PDK1: variants seen among roughly 807,000 people sequenced by gnomAD.
PDK1 encodes pyruvate dehydrogenase kinase 1.
In PDK1, 39 loss-of-function variants were observed where a neutral mutation model predicts 54.2. The observed-to-expected ratio is 0.72, with a 90% CI of 0.56 to 0.94. The LOEUF (loss-of-function observed/expected upper bound fraction) is 0.94. Among genes scored for constraint, PDK1 ranks in the 40% least tolerant of loss-of-function variants. PDK1 has a pLI of 0.00. For missense variants in PDK1, 552 were observed against 566.0 expected, an observed-to-expected ratio of 0.98 and a Z score of 0.25; for synonymous variants, 221 against 207.1, an observed-to-expected ratio of 1.07 and a Z score of -0.58.
At chr2:172,687,672 A>G in the PDK1 span, among the ~76,000 whole-genome samples, 2 of 152,232 alleles carry the variant, frequency 1.3e-5, no homozygotes, top group East Asian at 1.9e-4. Flanking sequence ...TTGGTTTATC[A>G]TATCTTTCTC....
At chr2:172,713,385 C>G in the PDK1 span, among the ~76,000 whole-genome samples, 6 of 152,210 alleles carry the variant, frequency 3.9e-5, no homozygotes, top group Non-Finnish European at 7.3e-5. Context: ...TCCTTTCTGC[C>G]CAGGAGCCTG....
intron 8 of PDK1, among the ~76,000 whole-genome samples, chr2:172,577,625 G>T: frequency 6.6e-6 from 1 of 151,204 alleles, no homozygotes. Flanking sequence ...ATTATCCTGG[G>T]GATTACAATT....
At position 172,597,643 on chromosome 2, in the gene PDK1, G is replaced by A. The variant is rs1381018189; in HGVS notation, c.*1674G>A. The A allele has an allele frequency of 6.6e-6, 1 of 152,212 alleles. No individual in the cohort carries two copies. Among genetic ancestry groups the A allele is most frequent in the Non-Finnish European group, 1.5e-5 (1 of 68,040 alleles). 9.4% of individuals were successfully genotyped at this position (152,212 alleles called of 1,614,324 possible). ...CCCAGAGTTGCTCAGAATTGGAGCA[G>A]AGCCTGAGACGTATCTGCAGATCCT... On this transcript the variant is annotated 3_prime_UTR_variant, in exon 11 of 11. Coordinates refer to ENST00000282077, the MANE Select transcript of PDK1 (RefSeq NM_002610.5).
intron 10 of PDK1, among the ~76,000 whole-genome samples, chr2:172,594,707 A>G (rs1483192376): frequency 6.6e-6 from 1 of 152,200 alleles, no homozygotes; most frequent in South Asian, 2.1e-4. Flanking sequence ...AATTGTCAAC[A>G]TCAAAGACTT....
chr2:172,562,896 C>G, intron 3 of PDK1: 1 of 1,135,106 alleles, frequency 8.8e-7, no homozygotes, highest in South Asian at 1.4e-5. Flanking sequence ...GTGAAGGGTA[C>G]TGAGAGTGTA....
the PDK1 span, among the ~76,000 whole-genome samples, chr2:172,668,832 T>G: frequency 6.8e-6 from 1 of 147,092 alleles, no homozygotes; most frequent in African/African-American, 2.5e-5. Flanking sequence ...TACACACATA[T>G]GTATGTATAT....
At chr2:172,686,448 G>T in the PDK1 span, among the ~76,000 whole-genome samples, 22 of 152,068 alleles carry the variant, frequency 1.4e-4, no homozygotes, top group African/African-American at 5.3e-4. Context: ...CTAGCTGGAG[G>T]TTTGTAAAAT....
In PDK1 at chr2:172,586,259, G is replaced by C. The variant is rs755170726; in HGVS notation, c.946-19G>C. ...TTTTGAGGATTTGGGCATAGAGCAC[G>C]ATCCTTTTCTTACCTTAGATGAGTG... On this transcript the variant is annotated intron_variant, in intron 8 of 10. Transcript: ENST00000282077. The C allele has an allele frequency of 6.6e-7, 1 of 1,506,542 alleles. No individual in the cohort carries two copies. Among genetic ancestry groups the C allele is most frequent in the Non-Finnish European group, 9.2e-7 (1 of 1,082,870 alleles). The allele number at this position is 1,506,542 out of a possible 1,614,324, so 93.3% of individuals were successfully genotyped here.
the PDK1 span, among the ~76,000 whole-genome samples, chr2:172,663,860 T>G: frequency 2.0e-5 from 3 of 151,974 alleles, no homozygotes; most frequent in Admixed American, 2.0e-4. Flanking sequence ...GGCCATAGGA[T>G]AGACAAGGAC....
the PDK1 span, among the ~76,000 whole-genome samples, chr2:172,678,229 G>A: frequency 2.6e-5 from 4 of 152,086 alleles, no homozygotes; most frequent in African/African-American, 9.7e-5. Flanking sequence ...TATCGATCCT[G>A]TAATGAATCA....
intron 10 of PDK1, among the ~76,000 whole-genome samples, chr2:172,593,963 T>G (rs1174890928): frequency 6.6e-6 from 1 of 152,152 alleles, no homozygotes; most frequent in Non-Finnish European, 1.5e-5. Context: ...ACTAAATTCT[T>G]TCTAGATGGT....
chr2:172,596,883 A>G lies in PDK1; in HGVS notation c.*914A>G, dbSNP rs1690922138. ...CCAAGGTAAGTCTGATGCCTACCCT[A>G]GGTTGGGAACCACTCTTTCAAAGTA... On this transcript the variant is annotated 3_prime_UTR_variant, in exon 11 of 11. Coordinates refer to ENST00000282077, the MANE Select transcript of PDK1 (RefSeq NM_002610.5). 6.6e-6 allele frequency: 1 copy of G among 152,218 alleles called. No homozygotes were observed. Among genetic ancestry groups the G allele is most frequent in the Admixed American group, 6.5e-5 (1 of 15,278 alleles). 9.4% of individuals were successfully genotyped at this position (152,218 alleles called of 1,614,324 possible).
chr2:172,723,655 T>A, the PDK1 span: 35 of 152,360 alleles, frequency 2.3e-4, no homozygotes, highest in Admixed American at 8.5e-4. Context: ...GAGTCCTGGA[T>A]AACACAAGCC....
the PDK1 span, among the ~76,000 whole-genome samples, chr2:172,698,957 G>A: frequency 6.6e-6 from 1 of 152,110 alleles, no homozygotes; most frequent in Non-Finnish European, 1.5e-5. Flanking sequence ...ATGCAAAGGG[G>A]GGTGAGATTT....
At chr2:172,652,824 C>T in the PDK1 span, among the ~76,000 whole-genome samples, 1 of 152,110 alleles carries the variant, frequency 6.6e-6, no homozygotes, top group Non-Finnish European at 1.5e-5. Flanking sequence ...TAAAAGAGCA[C>T]ACAAACAAAT....
the PDK1 span, among the ~76,000 whole-genome samples, chr2:172,689,674 A>G: frequency 1.3e-5 from 2 of 152,104 alleles, no homozygotes; most frequent in African/African-American, 4.8e-5. Flanking sequence ...GGAACAGAAC[A>G]GAGGCCTCAG....
chr2:172,611,100 C>G (rs1434910524), downstream of PDK1, among the ~76,000 whole-genome samples: 3 of 151,926 alleles, frequency 2.0e-5, no homozygotes, highest in East Asian at 5.8e-4. Context: ...CCAATAAAAT[C>G]AGAGACTTAG....
the PDK1 span, among the ~76,000 whole-genome samples, chr2:172,635,769 C>T: frequency 1.3e-5 from 2 of 152,220 alleles, no homozygotes; most frequent in African/African-American, 2.4e-5. Context: ...TGCAAGCCAA[C>T]TGCTCTCTTT....
At chr2:172,624,436 G>A in the PDK1 span, among the ~76,000 whole-genome samples, 1 of 152,258 alleles carries the variant, frequency 6.6e-6, no homozygotes, top group East Asian at 1.9e-4. Context: ...TGAGAACTGC[G>A]CATATGAGGG....
Sources: gnomAD v4.1 joint callset for allele counts (sites outside exome capture counted in the v4.1 genomes callset) on GRCh38, gnomAD v4.1.1 for gene constraint, MANE v1.5 for transcripts, NCBI Gene and HGNC (gene_info 2026-07-23, HGNC 2026-07-21) for gene names.